The following DNAH8 variants were observed in gnomAD, a reference collection of about 807,000 sequenced individuals.
The protein encoded by DNAH8 is axonemal beta dynein heavy chain 8.
Under a neutral mutation model 562.1 loss-of-function variants are expected in DNAH8, and 382 were observed. The observed-to-expected ratio is 0.68, with a 90% CI of 0.63 to 0.74. The LOEUF (loss-of-function observed/expected upper bound fraction) is 0.74. Ranked by LOEUF, DNAH8 falls within the 30% of genes least tolerant of loss-of-function variation. The probability of loss-of-function intolerance (pLI) is 0.00; values close to 1 mark genes in which losing one functional copy is unlikely to be tolerated. For missense variants in DNAH8, 5,203 were observed against 5,620.4 expected (o/e 0.93, Z 2.37); for synonymous variants, 1,881 against 1,919.4 (o/e 0.98, Z 0.52).
At chr6:38,888,948 T>G (rs1257298698) in intron 57 of DNAH8, among the ~76,000 whole-genome samples, 2 of 152,258 alleles carry the variant, frequency 1.3e-5, no homozygotes, top group Admixed American at 6.5e-5. Context: ...AGTCCTTTTC[T>G]ATCCGGACAT....
intron 88 of DNAH8, among the ~76,000 whole-genome samples, chr6:39,007,290 A>C (rs993715076): frequency 2.0e-5 from 3 of 152,226 alleles, no homozygotes; most frequent in Non-Finnish European, 2.9e-5. Flanking sequence ...TATAATATTT[A>C]GATGTATATA....
At chr6:38,872,245 C>T (rs575460441) in intron 49 of DNAH8, among the ~76,000 whole-genome samples, 1 of 152,084 alleles carries the variant, frequency 6.6e-6, no homozygotes, top group African/African-American at 2.4e-5. Context: ...GACCAACAAG[C>T]CAAAATCACA....
At chr6:38,740,913 C>A (rs115717152) in intron 7 of DNAH8, among the ~76,000 whole-genome samples, 2 of 152,308 alleles carry the variant, frequency 1.3e-5, no homozygotes, top group African/African-American at 4.8e-5. Flanking sequence ...TGCTCCCAAC[C>A]TTAGATATGC....
rs1232556125 is a variant in DNAH8 at position 38,915,244 on chromosome 6, T to A, written c.10007T>A (p.Ile3336Asn). 6.2e-7 allele frequency: 1 copy of A among 1,609,384 alleles called. No homozygotes were observed. Among genetic ancestry groups the A allele is most frequent in the East Asian group, 2.2e-5 (1 of 44,592 alleles). ...GTAAGCGCTCAGGCTTCAGCCAAAA[T>A]TAAAAATGAAGTACAGGAGGTAAAG... ...VTVSAQASAK[I>N]KNEVQEVKDK... The change falls in exon 68 of 93, where the codon ATT becomes AAT. Residue 3336 changes from isoleucine (I) to asparagine (N), a missense_variant. By Grantham distance (149) the Ile-to-Asn change is moderately radical. This residue lies in a region of DNAH8 where 87 missense variants were observed against 144.9 expected (regional missense o/e 0.60). Coordinates refer to ENST00000327475, the MANE Select transcript of DNAH8 (RefSeq NM_001206927.2).
rs1554149966 is a variant in DNAH8 at position 38,973,735 on chromosome 6, C to T, written c.12600C>T (p.Thr4200=). The change falls in exon 84 of 93, where the codon ACC becomes ACT. Residue 4200 remains threonine (T), a synonymous_variant. Coordinates refer to ENST00000327475, the MANE Select transcript of DNAH8 (RefSeq NM_001206927.2). ...AAGAATTACTAGAGACGCTAATTAC[C>T]ACTGAAGCCAGTGATGATTCTTTCC... ...FMEELLETLI[T]TEASDDSFRV... 6.2e-7 allele frequency: 1 copy of T among 1,610,446 alleles called. No individual in the cohort carries two copies. Among genetic ancestry groups the T allele is most frequent in the South Asian group, 1.1e-5 (1 of 90,522 alleles).
chr6:38,936,426 A>G (rs1259357374), intron 77 of DNAH8: 1 of 152,202 alleles, frequency 6.6e-6, no homozygotes, highest in Non-Finnish European at 1.5e-5. Context: ...TTATCCAAAG[A>G]AAATAAAATC....
At chr6:38,900,677 G>C (rs1429062306) in intron 62 of DNAH8, among the ~76,000 whole-genome samples, 1 of 151,906 alleles carries the variant, frequency 6.6e-6, no homozygotes, top group Non-Finnish European at 1.5e-5. Flanking sequence ...GAGTGCAATG[G>C]CATGATCTCT....
chr6:38,926,263 C>G, intron 74 of DNAH8, 53 bp downstream of exon 74: 2 of 1,578,728 alleles, frequency 1.3e-6, no homozygotes, highest in South Asian at 1.2e-5. Flanking sequence ...GAAACTCTTT[C>G]AAAATTTTGA....
At chr6:39,006,358 T>C (rs1284835333) in intron 88 of DNAH8, among the ~76,000 whole-genome samples, 3 of 152,256 alleles carry the variant, frequency 2.0e-5, no homozygotes, top group African/African-American at 7.2e-5. Context: ...TTCATGTTTA[T>C]AGTTTCCTCT....
chr6:38,988,407 A>G (rs1041390468), intron 87 of DNAH8, among the ~76,000 whole-genome samples: 9 of 152,224 alleles, frequency 5.9e-5, no homozygotes, highest in Admixed American at 4.6e-4. Flanking sequence ...CACAGAATTC[A>G]GTGTGGTTAT....
At chr6:38,888,623 CAAAGT>C (rs545983134) in intron 57 of DNAH8, among the ~76,000 whole-genome samples, 1 of 152,072 alleles carries the variant, frequency 6.6e-6, no homozygotes, top group Non-Finnish European at 1.5e-5. Flanking sequence ...AGCCAATAAA[CAAAGT>C]AAAGATGGTA....
At chr6:38,956,675 A>G (rs1037043360) in intron 82 of DNAH8, among the ~76,000 whole-genome samples, 1 of 150,818 alleles carries the variant, frequency 6.6e-6, no homozygotes, top group Admixed American at 6.6e-5. Context: ...TTGTCCCTAA[A>G]AAACAAAACA....
intron 82 of DNAH8, among the ~76,000 whole-genome samples, chr6:38,961,744 G>A (rs1005028097): frequency 9.9e-5 from 15 of 151,822 alleles, no homozygotes; most frequent in Admixed American, 9.2e-4. Context: ...ATACTTATTG[G>A]CGAACAACTA....
At chr6:38,975,791 A>G (rs1406498158) in intron 85 of DNAH8, among the ~76,000 whole-genome samples, 2 of 152,228 alleles carry the variant, frequency 1.3e-5, no homozygotes, top group Non-Finnish European at 1.5e-5. Flanking sequence ...ATATTGCTTT[A>G]ACTCTGCTAT....
intron 4 of DNAH8, among the ~76,000 whole-genome samples, chr6:38,730,545 C>T (rs773686541): frequency 6.6e-6 from 1 of 152,234 alleles, no homozygotes; most frequent in Non-Finnish European, 1.5e-5. Context: ...ACATCCCTCC[C>T]GTTGCTTCTT....
chr6:38,715,698 G>A (rs1762219583), intron 1 of DNAH8, among the ~76,000 whole-genome samples: 1 of 151,738 alleles, frequency 6.6e-6, no homozygotes, highest in African/African-American at 2.4e-5. Flanking sequence ...CCTATGAGTA[G>A]GAGCTAAGCT....
At chr6:38,934,373 A>G (rs1782784695) in intron 76 of DNAH8, among the ~76,000 whole-genome samples, 1 of 152,052 alleles carries the variant, frequency 6.6e-6, no homozygotes, top group African/African-American at 2.4e-5. Flanking sequence ...AACAAAACAA[A>G]ACAAAAAACA....
In DNAH8 at chr6:39,012,281, G is replaced by C; in HGVS notation, c.13438G>C (p.Asp4480His). The change falls in exon 90 of 93, where the codon GAC becomes CAC. Residue 4480 changes from aspartate to histidine, a missense_variant. Asp to His is a moderately conservative substitution (Grantham distance 81, BLOSUM62 -1). Around this residue, in one of 6 missense-constraint regions of DNAH8, gnomAD observed 1,399 missense variants for 1,518.4 expected, o/e 0.92. Coordinates refer to ENST00000327475, the MANE Select transcript of DNAH8 (RefSeq NM_001206927.2). The stretch of plus-strand genomic sequence containing the variant: ...GAACATATTTCTTAGACAAGAAATT[G>C]ACAGAATGCAAAGAGTCATTTCAAT... The part of the protein sequence containing the change: ...SMNIFLRQEI[D>H]RMQRVISILR... 1 of 1,612,190 alleles carries C rather than the reference G, an allele frequency of 6.2e-7. No individual in the cohort carries two copies.
At chr6:38,968,610 A>G (rs940528623) in intron 82 of DNAH8, among the ~76,000 whole-genome samples, 2 of 152,180 alleles carry the variant, frequency 1.3e-5, no homozygotes, top group Non-Finnish European at 2.9e-5. Context: ...TAAGATAGCT[A>G]TAATCAAAGA....
Sources: gnomAD v4.1 joint callset for allele counts (sites outside exome capture counted in the v4.1 genomes callset) on GRCh38, gnomAD v4.1.1 for gene constraint, gnomAD v4.1.1 regional missense constraint, MANE v1.5 for transcripts, NCBI Gene and HGNC (gene_info 2026-07-23, HGNC 2026-07-21) for gene names.